DSCAML1: variants seen among roughly 807,000 people sequenced by gnomAD.
The protein encoded by DSCAML1 is cell adhesion molecule DSCAML1.
Under a neutral mutation model 200.5 loss-of-function variants are expected in DSCAML1, and 38 were observed. The observed-to-expected ratio is 0.19, with a 90% CI of 0.15 to 0.25. The LOEUF is 0.25. DSCAML1 is among the 10% of genes least tolerant of loss of function. The probability of loss-of-function intolerance (pLI) is 1.00; values close to 1 mark genes in which losing one functional copy is unlikely to be tolerated. For synonymous variants in DSCAML1, 1,215 were observed against 1,165.0 expected (o/e 1.04, Z -0.87); for missense variants, 2,223 against 2,858.8 (o/e 0.78, Z 5.07).
chr11:117,674,232 G>A (rs1362109568), intron 3 of DSCAML1, among the ~76,000 whole-genome samples: 1 of 152,200 alleles, frequency 6.6e-6, no homozygotes, highest in Non-Finnish European at 1.5e-5. Flanking sequence ...CCTGGCAGGT[G>A]CTGTGGATAG....
chr11:117,437,989 C>T lies in DSCAML1; in HGVS notation c.4338G>A (p.Lys1446=), dbSNP rs770208844. 4.3e-6 allele frequency: 7 copies of T among 1,614,060 alleles called. No individual in the cohort carries two copies. In the African/African-American group the frequency reaches 5.3e-5, roughly 12 times the overall value. Residue 1446 remains lysine, a synonymous_variant, in exon 25 of 33, where the codon AAG becomes AAA. Coordinates refer to ENST00000651296, the MANE Select transcript of DSCAML1 (RefSeq NM_020693.4). The surrounding 1 kb of genome is among the most constrained non-coding windows in gnomAD (Gnocchi z 5.3). ...SERSFKLDSL[K]CGTWYKVKLA... is the part of the protein sequence containing the mutation. Reference sequence around the variant, plus strand: ...GCTTCACCTTGTACCACGTGCCACACTTGAGGCTGTCCAGCTTGAAGGAGC... The same window carrying T: ...GCTTCACCTTGTACCACGTGCCACATTTGAGGCTGTCCAGCTTGAAGGAGC...
chr11:117,457,290 T>C (rs1329764276), intron 19 of DSCAML1, among the ~76,000 whole-genome samples: 1 of 152,222 alleles, frequency 6.6e-6, no homozygotes, highest in African/African-American at 2.4e-5. Flanking sequence ...TGAAGGCTCC[T>C]TGCAGGGAGG....
At chr11:117,791,944 T>G (rs1313242074) in intron 1 of DSCAML1, among the ~76,000 whole-genome samples, 2 of 152,204 alleles carry the variant, frequency 1.3e-5, no homozygotes, top group Non-Finnish European at 2.9e-5. Flanking sequence ...CTGGAGAAAG[T>G]GGGGCTCAGA....
At chr11:117,672,486 C>T (rs777226946) in intron 3 of DSCAML1, among the ~76,000 whole-genome samples, 3 of 152,082 alleles carry the variant, frequency 2.0e-5, no homozygotes, top group Non-Finnish European at 2.9e-5. Context: ...CTGGCAAAGT[C>T]GAAAAGTGCT....
rs146834522 is a variant in DSCAML1, at chr11:117,591,524, G to A, written c.512-59002C>T. Among the ~76,000 whole-genome samples the A allele has an allele frequency of 4.1e-3, 628 of 152,294 alleles. 5 individuals are homozygous for A. The highest frequency in any genetic ancestry group is 0.015 in the African/African-American group (606 of 41,538). ...CTGCAGGAATCTGCGAGTGCTATGC[G>A]AGCCGCGATTTGTAATATTCTCTGT... On this transcript the variant is annotated intron_variant, in intron 3 of 32. Transcript: ENST00000651296.
chr11:117,815,237 C>G (rs1735686427), intron 1 of DSCAML1, among the ~76,000 whole-genome samples: 1 of 152,190 alleles, frequency 6.6e-6, no homozygotes, highest in African/African-American at 2.4e-5. Context: ...CACAGCTCTC[C>G]CCTTACCCCT....
chr11:117,814,366 T>G (rs565478461), intron 1 of DSCAML1, among the ~76,000 whole-genome samples: 2 of 152,290 alleles, frequency 1.3e-5, no homozygotes, highest in East Asian at 3.9e-4. Context: ...AGGGCTCAAA[T>G]CCAGGTCTGC....
chr11:117,705,226 T>C (rs771351208), intron 3 of DSCAML1, among the ~76,000 whole-genome samples: 10 of 152,206 alleles, frequency 6.6e-5, no homozygotes, highest in Non-Finnish European at 1.5e-4. Flanking sequence ...CAGAGAACCC[T>C]CTGATGGTTA....
At chr11:117,739,688 T>G (rs1365848593) in intron 3 of DSCAML1, among the ~76,000 whole-genome samples, 1 of 152,192 alleles carries the variant, frequency 6.6e-6, no homozygotes, top group Non-Finnish European at 1.5e-5. Context: ...AAGGCAACAG[T>G]GCCCCTGAAG....
At chr11:117,771,109 A>T (rs1240509842) in intron 3 of DSCAML1, among the ~76,000 whole-genome samples, 1 of 152,210 alleles carries the variant, frequency 6.6e-6, no homozygotes, top group Non-Finnish European at 1.5e-5. Flanking sequence ...ATGTGGCCCA[A>T]ACTGGTTTCC....
intron 3 of DSCAML1, among the ~76,000 whole-genome samples, chr11:117,580,375 G>A (rs926720260): frequency 6.6e-6 from 1 of 152,218 alleles, no homozygotes; most frequent in African/African-American, 2.4e-5. Context: ...CTGGTAGAGC[G>A]AGGTTTGGAA....
At chr11:117,485,627 A>G (rs1390911432) in intron 11 of DSCAML1, among the ~76,000 whole-genome samples, 3 of 152,268 alleles carry the variant, frequency 2.0e-5, no homozygotes, top group Non-Finnish European at 4.4e-5. Context: ...CACTTGCTTA[A>G]GAAACCTGGA....
At chr11:117,695,315 CTTT>C (rs753748981) in intron 3 of DSCAML1, among the ~76,000 whole-genome samples, 11 of 116,714 alleles carry the variant, frequency 9.4e-5, no homozygotes, top group East Asian at 5.1e-4. Flanking sequence ...CTTTCTTTTT[CTTT>C]TTTTTTTTTT....
At chr11:117,467,192 CACCT>C (rs1197557547) in intron 16 of DSCAML1, among the ~76,000 whole-genome samples, 16 of 116,532 alleles carry the variant, frequency 1.4e-4, no homozygotes, top group African/African-American at 4.8e-4. Context: ...CGTGCACACA[CACCT>C]CCCCCCTCCC....
intron 3 of DSCAML1, among the ~76,000 whole-genome samples, chr11:117,743,231 G>C (rs931558886): frequency 6.6e-6 from 1 of 152,214 alleles, no homozygotes; most frequent in African/African-American, 2.4e-5. Flanking sequence ...ACAAGCCAGG[G>C]AGAAAGTGGT....
At chr11:117,584,588 G>A (rs894286430) in intron 3 of DSCAML1, among the ~76,000 whole-genome samples, 1 of 152,160 alleles carries the variant, frequency 6.6e-6, no homozygotes, top group Non-Finnish European at 1.5e-5. Context: ...CTCAGCGCCT[G>A]GGTAGCTGCC....
chr11:117,787,649 C>T (rs1310197480), intron 1 of DSCAML1, among the ~76,000 whole-genome samples: 2 of 152,104 alleles, frequency 1.3e-5, no homozygotes, highest in East Asian at 3.9e-4. Context: ...CAACGACAGA[C>T]AATTGTCATC....
chr11:117,763,261 C>A (rs942963541), intron 3 of DSCAML1, among the ~76,000 whole-genome samples: 2 of 152,108 alleles, frequency 1.3e-5, no homozygotes, highest in African/African-American at 4.8e-5. Context: ...CAGTGTCCAA[C>A]CCTGACCCCA....
intron 3 of DSCAML1, among the ~76,000 whole-genome samples, chr11:117,627,119 T>A (rs541099603): frequency 6.6e-6 from 1 of 152,370 alleles, no homozygotes; most frequent in Non-Finnish European, 1.5e-5. Context: ...TAACTCTTTT[T>A]TAAGCTGGCC....
Sources: allele counts gnomAD v4.1 joint callset (sites outside exome capture counted in the v4.1 genomes callset), GRCh38; gene constraint gnomAD v4.1.1; non-coding constraint Gnocchi (gnomAD v3.1); transcripts MANE v1.5; gene names NCBI Gene and HGNC (gene_info 2026-07-23, HGNC 2026-07-21).